The following CPAMD8 variants were observed in gnomAD, a reference collection of about 807,000 sequenced individuals.
CPAMD8 encodes the protein C3 and PZP-like alpha-2-macroglobulin domain-containing protein 8.
CPAMD8 carries 146 observed loss-of-function variants against 224.7 expected under a neutral mutation model. That is an observed-to-expected ratio of 0.65 (90% CI 0.57 to 0.75). The LOEUF (loss-of-function observed/expected upper bound fraction) is 0.75. Among genes scored for constraint, CPAMD8 ranks in the 30% least tolerant of loss-of-function variants. CPAMD8 has a pLI of 0.00. For synonymous variants in CPAMD8, 966 were observed against 1,044.6 expected (o/e 0.92, Z 1.45); for missense variants, 2,301 against 2,537.5 (o/e 0.91, Z 2.00).
At chr19:17,010,725 G>A (rs1206449775) in intron 5 of CPAMD8, among the ~76,000 whole-genome samples, 3 of 152,066 alleles carry the variant, frequency 2.0e-5, no homozygotes, top group Non-Finnish European at 4.4e-5. Context: ...GCGCTAGAAA[G>A]AAAGCACATA....
chr19:16,971,132 T>C, intron 17 of CPAMD8, 99 bp from the exon 18 acceptor site: 2 of 1,077,710 alleles, frequency 1.9e-6, no homozygotes, highest in Non-Finnish European at 2.6e-6. Flanking sequence ...ACTGTCCCAA[T>C]ATCAGCTTGT....
At chr19:16,951,553 G>A (rs528849197) in intron 20 of CPAMD8, among the ~76,000 whole-genome samples, 11 of 152,184 alleles carry the variant, frequency 7.2e-5, no homozygotes, top group African/African-American at 2.4e-4. Flanking sequence ...GGCTGGCAAA[G>A]ACAGAAATAT....
chr19:16,951,761 C>T (rs941921072), intron 20 of CPAMD8, among the ~76,000 whole-genome samples: 13 of 152,112 alleles, frequency 8.5e-5, no homozygotes, highest in Non-Finnish European at 1.0e-4. Flanking sequence ...CATCCCACTC[C>T]TGCCTCCCTG....
intron 13 of CPAMD8, among the ~76,000 whole-genome samples, chr19:16,987,636 A>C (rs908478548): frequency 1.3e-5 from 2 of 152,064 alleles, no homozygotes; most frequent in African/African-American, 4.8e-5. Flanking sequence ...GCCAATAGTA[A>C]GCTATAGATA....
intron 22 of CPAMD8, among the ~76,000 whole-genome samples, chr19:16,944,631 C>G (rs1326696455): frequency 6.6e-6 from 1 of 152,160 alleles, no homozygotes; most frequent in South Asian, 2.1e-4. Flanking sequence ...ACCCTCCCAC[C>G]CTGCTGGCTC....
intron 2 of CPAMD8, 23 bp downstream of exon 2, chr19:17,022,007 G>T: frequency 1.3e-6 from 2 of 1,574,608 alleles, no homozygotes; most frequent in South Asian, 1.2e-5. Context: ...GGGAAGTCCT[G>T]GTCTGGCACC....
At chr19:17,004,621 G>A (rs777334532) in intron 7 of CPAMD8, among the ~76,000 whole-genome samples, 4 of 152,112 alleles carry the variant, frequency 2.6e-5, no homozygotes, top group Admixed American at 6.6e-5. Context: ...GACTGGACCC[G>A]CGGTTCCCGG....
chr19:16,960,567 C>CT lies in CPAMD8; in HGVS notation c.2214-2653dup, dbSNP rs78412211. ...AATGACATTATGGTATTCTTCTATT[C>CT]TTTTTTTTTTTAATCCTACATATGC... On this transcript the variant is annotated intron_variant, in intron 18 of 41. Coordinates refer to ENST00000443236, the MANE Select transcript of CPAMD8 (RefSeq NM_015692.5). Among the ~76,000 whole-genome samples, 56 of 147,394 alleles carry CT rather than the reference C, an allele frequency of 3.8e-4. 1 individual carries two copies. Among genetic ancestry groups the CT allele is most frequent in the East Asian group, 3.8e-3 (19 of 5,034 alleles).
At position 16,929,000 on chromosome 19, in the gene CPAMD8, A is replaced by G; in HGVS notation, c.3086T>C (p.Ile1029Thr). 5 of 1,614,014 alleles carry G rather than the reference A, an allele frequency of 3.1e-6. No homozygotes were observed. Among genetic ancestry groups the G allele is most frequent in the Non-Finnish European group, 4.2e-6 (5 of 1,179,994 alleles). Residue 1029 changes from isoleucine (I) to threonine (T), a missense_variant, in exon 24 of 42, where the codon ATC becomes ACC. Transcript: ENST00000443236. ...TGTTCTGAATTCATCCCAGGAGAGG[A>G]TCTTGGCCGTGTGTGCACTGGCCAC... ...EPVASAHTAK[I>T]LSWDEFRTFW... is the part of the protein sequence containing the mutation.
At chr19:16,989,592 TGCTTTTTGGATCCC>T in intron 13 of CPAMD8, 37 bp downstream of exon 13, 1 of 1,587,834 alleles carries the variant, frequency 6.3e-7, no homozygotes, top group South Asian at 1.1e-5. Flanking sequence ...TGGCTCATGC[TGCTTTTTGGATCCC>T]GCATGGCCCA....
At chr19:17,006,861 A>C (rs2056506014) in intron 7 of CPAMD8, among the ~76,000 whole-genome samples, 1 of 151,892 alleles carries the variant, frequency 6.6e-6, no homozygotes, top group South Asian at 2.1e-4. Flanking sequence ...CCTTCCTAGC[A>C]CTCATCACAA....
intron 18 of CPAMD8, among the ~76,000 whole-genome samples, chr19:16,964,655 A>C (rs2054766714): frequency 6.6e-6 from 1 of 152,168 alleles, no homozygotes; most frequent in Non-Finnish European, 1.5e-5. Context: ...ATTCTAATCA[A>C]GAAAAAGAAG....
intron 35 of CPAMD8, 105 bp downstream of exon 35, chr19:16,902,544 C>A: frequency 1.5e-6 from 1 of 687,066 alleles, no homozygotes; most frequent in Non-Finnish European, 2.6e-6. Flanking sequence ...CAAAAACCAC[C>A]ACTGAGTGCC....
chr19:16,963,836 AAACT>A (rs1173713805), intron 18 of CPAMD8, among the ~76,000 whole-genome samples: 5 of 152,132 alleles, frequency 3.3e-5, no homozygotes, highest in Non-Finnish European at 7.4e-5. Context: ...AAATCACAAC[AAACT>A]GTCAGACCAC....
intron 7 of CPAMD8, among the ~76,000 whole-genome samples, chr19:17,004,927 C>T (rs977253414): frequency 6.0e-5 from 9 of 151,214 alleles, no homozygotes; most frequent in Admixed American, 2.0e-4. Context: ...GGCAAAATCA[C>T]CCCTGGGTGG....
At chr19:16,928,321 G>T in intron 24 of CPAMD8, 87 bp from the exon 25 acceptor site, 1 of 1,046,700 alleles carries the variant, frequency 9.6e-7, no homozygotes, top group Non-Finnish European at 1.4e-6. Context: ...TTGTGGCCAG[G>T]GTCAGAGGCC....
chr19:16,977,072 C>T (rs2122717795), intron 15 of CPAMD8, among the ~76,000 whole-genome samples: 1 of 152,062 alleles, frequency 6.6e-6, no homozygotes, highest in East Asian at 1.9e-4. Context: ...AAAGTTGTTG[C>T]AGGGAGGGGG....
intron 25 of CPAMD8, among the ~76,000 whole-genome samples, 165 bp downstream of exon 25, chr19:16,927,844 G>A (rs2053417515): frequency 6.6e-6 from 1 of 152,202 alleles, no homozygotes; most frequent in South Asian, 2.1e-4. Flanking sequence ...GCACATGGAT[G>A]GGCATAGAGA....
rs375497919 is a variant in CPAMD8, at chr19:16,965,056, C to T, written c.2213+5835G>A. 9.9e-5 allele frequency among the ~76,000 whole-genome samples: 15 copies of T among 152,096 alleles called. No individual in the cohort carries two copies. In the South Asian group the frequency reaches 1.2e-3, roughly 13 times the overall value. ...CAGGCAGATCACAAGGTGAGGAGAT[C>T]GAGACCATCCTGGCTAACACGGTGA... On this transcript the variant is annotated intron_variant, in intron 18 of 41. Transcript: ENST00000443236.
Sources: allele counts gnomAD v4.1 joint callset (sites outside exome capture counted in the v4.1 genomes callset), GRCh38; gene constraint gnomAD v4.1.1; transcripts MANE v1.5; gene names NCBI Gene and HGNC (gene_info 2026-07-23, HGNC 2026-07-21).